Variants in ADCY5 observed in about 807,000 individuals in gnomAD.
The protein encoded by ADCY5 is adenylate cyclase type 5.
In ADCY5, 30 loss-of-function variants were observed where a neutral mutation model predicts 119.7. The observed-to-expected ratio is 0.25, with a 90% confidence interval of 0.19 to 0.34. The LOEUF (loss-of-function observed/expected upper bound fraction) is 0.34, where lower values mean the gene tolerates loss of function less well. Among genes scored for constraint, ADCY5 ranks in the 10% least tolerant of loss-of-function variants. The probability of loss-of-function intolerance (pLI) is 1.00; values close to 1 mark genes in which losing one functional copy is unlikely to be tolerated. For missense variants in ADCY5, 1,324 were observed against 1,775.2 expected, an observed-to-expected ratio of 0.75 and a Z score of 4.57; for synonymous variants, 753 against 762.2, an observed-to-expected ratio of 0.99 and a Z score of 0.20.
chr3:123,392,274 T>C (rs1431517815), intron 1 of ADCY5, among the ~76,000 whole-genome samples: 2 of 152,310 alleles, frequency 1.3e-5, no homozygotes, highest in East Asian at 3.9e-4. Context: ...CTTTCCAGAT[T>C]GTTCAAGTGG....
intron 3 of ADCY5, among the ~76,000 whole-genome samples, chr3:123,341,582 G>C (rs1942283922): frequency 6.6e-6 from 1 of 152,078 alleles, no homozygotes; most frequent in African/African-American, 2.4e-5. Flanking sequence ...ACAACAATTT[G>C]AATGTACTTA....
chr3:123,296,446 C>T (rs1939518037), intron 16 of ADCY5, among the ~76,000 whole-genome samples: 1 of 152,242 alleles, frequency 6.6e-6, no homozygotes, highest in African/African-American at 2.4e-5. Flanking sequence ...GCAGCCATTA[C>T]TCCTCTCCTG....
At chr3:123,297,250 C>T in intron 16 of ADCY5, 103 bp downstream of exon 16, 1 of 1,500,082 alleles carries the variant, frequency 6.7e-7, no homozygotes, top group South Asian at 1.1e-5. Context: ...CCTTCACTAC[C>T]CACCTTGCCA....
chr3:123,323,731 C>T (rs1941340515), intron 8 of ADCY5, among the ~76,000 whole-genome samples: 1 of 152,156 alleles, frequency 6.6e-6, no homozygotes, highest in Non-Finnish European at 1.5e-5. Context: ...GTGATCATGG[C>T]TCACTGCAAC....
At chr3:123,373,766 C>CG (rs1175788722) in intron 1 of ADCY5, among the ~76,000 whole-genome samples, 14 of 33,584 alleles carry the variant, frequency 4.2e-4, no homozygotes, top group Non-Finnish European at 8.7e-4. Context: ...ACGCCCCCCC[C>CG]CCCCCGACCC....
At chr3:123,445,580 C>G (rs1945799860) in intron 1 of ADCY5, among the ~76,000 whole-genome samples, 1 of 152,200 alleles carries the variant, frequency 6.6e-6, no homozygotes, top group African/African-American at 2.4e-5. Context: ...GTCCTCGGGT[C>G]AAAAGAGTTG....
intron 1 of ADCY5, among the ~76,000 whole-genome samples, chr3:123,411,394 CACTG>C (rs754148280): frequency 3.3e-5 from 5 of 152,200 alleles, no homozygotes; most frequent in Non-Finnish European, 5.9e-5. Flanking sequence ...CCTCACCGAT[CACTG>C]ACTAAGGAGT....
At chr3:123,424,111 G>C (rs1466274260) in intron 1 of ADCY5, among the ~76,000 whole-genome samples, 1 of 152,272 alleles carries the variant, frequency 6.6e-6, no homozygotes, top group Non-Finnish European at 1.5e-5. Context: ...GCCAGCATGA[G>C]GATTATCCCA....
rs1023896411 is a variant in ADCY5 at position 123,325,578 on chromosome 3, T to G, written c.1948-116A>C. ...GGGCTAAGGCAGCTGCCCTTTCCTC[T>G]CTGCACAGCCCTGGAGCCAGAGCTC... On this transcript the variant is annotated intron_variant, in intron 7 of 20. Transcript: ENST00000462833. The G allele has an allele frequency of 1.2e-4, 168 of 1,344,542 alleles. 1 individual carries two copies. In the Admixed American group the frequency reaches 3.0e-3, roughly 24 times the overall value. 83.3% of individuals were successfully genotyped at this position (1,344,542 alleles called of 1,614,324 possible).
At chr3:123,431,772 C>T (rs150018600) in intron 1 of ADCY5, among the ~76,000 whole-genome samples, 8 of 152,312 alleles carry the variant, frequency 5.3e-5, no homozygotes, top group Non-Finnish European at 8.8e-5. Flanking sequence ...CTCTTACACG[C>T]CTGCAATCAT....
rs111837143 is a variant in ADCY5 at position 123,346,649 on chromosome 3, A to G, written c.1406+1133T>C. 2.0e-3 allele frequency among the ~76,000 whole-genome samples: 186 copies of G among 94,928 alleles called. 2 individuals are homozygous for G. The highest frequency in any genetic ancestry group is 4.3e-3 in the African/African-American group (143 of 33,096). 62.3% of individuals were successfully genotyped at this position (94,928 alleles called of 152,430 possible). On this transcript the variant is annotated intron_variant, in intron 3 of 20. Coordinates refer to ENST00000462833, the MANE Select transcript of ADCY5 (RefSeq NM_183357.3). The stretch of plus-strand genomic sequence containing the variant: ...TCTCTCTCTCTCTCTCTCTGTGTGT[A>G]TGTGTGTGTGTGTGTGAGAGAGAGA...
chr3:123,310,400 G>C (rs1011306197), intron 12 of ADCY5, among the ~76,000 whole-genome samples: 2 of 152,158 alleles, frequency 1.3e-5, no homozygotes, highest in African/African-American at 4.8e-5. Context: ...GCTGGCCAAA[G>C]AGGGAAGGGG....
intron 1 of ADCY5, among the ~76,000 whole-genome samples, chr3:123,435,315 T>C (rs1945588316): frequency 6.6e-6 from 1 of 152,152 alleles, no homozygotes; most frequent in African/African-American, 2.4e-5. Flanking sequence ...AAGGCAGCAC[T>C]GACTTGAACT....
chr3:123,317,027 ATATG>A (rs1443983787), intron 11 of ADCY5, among the ~76,000 whole-genome samples: 1 of 90,698 alleles, frequency 1.1e-5, no homozygotes, highest in Non-Finnish European at 3.2e-5. Flanking sequence ...ACATATACGT[ATATG>A]TATGTGTGTG....
chr3:123,375,632 C>T (rs1401413498), intron 1 of ADCY5, among the ~76,000 whole-genome samples: 1 of 152,226 alleles, frequency 6.6e-6, no homozygotes, highest in Non-Finnish European at 1.5e-5. Flanking sequence ...CAAGAATGCT[C>T]GAGGGGTCAG....
chr3:123,366,176 C>G (rs1000151917), intron 1 of ADCY5, among the ~76,000 whole-genome samples: 1 of 152,188 alleles, frequency 6.6e-6, no homozygotes, highest in Non-Finnish European at 1.5e-5. Flanking sequence ...TTTTGGCCCA[C>G]TGGAATAGCT....
chr3:123,301,639 C>T (rs1163828253), intron 14 of ADCY5, among the ~76,000 whole-genome samples: 1 of 152,196 alleles, frequency 6.6e-6, no homozygotes, highest in Non-Finnish European at 1.5e-5. Context: ...TGGCACCAAG[C>T]CTCTCCCACA....
intron 13 of ADCY5, 28 bp from the exon 14 acceptor site, chr3:123,303,247 G>T (rs759906918): frequency 2.5e-6 from 4 of 1,606,132 alleles, no homozygotes; most frequent in Non-Finnish European, 3.4e-6. Flanking sequence ...GGTGATGAGG[G>T]GAGGGTAAGC....
Position 123,330,208 on chromosome 3 carries a change from C to G in ADCY5, c.1646+681G>C, listed in dbSNP as rs536616224. Among the ~76,000 whole-genome samples the G allele has an allele frequency of 4.6e-5, 7 of 152,328 alleles. No homozygotes were observed. In the South Asian group the frequency reaches 1.4e-3, roughly 32 times the overall value. On this transcript the variant is annotated intron_variant, in intron 5 of 20. Transcript: ENST00000462833. ...CCGGCTGCCTTCCTGGCAGCCACTC[C>G]CGCCTCTGACCTTGCCCTCTGTGCC...
Sources: allele counts gnomAD v4.1 joint callset (sites outside exome capture counted in the v4.1 genomes callset), GRCh38; gene constraint gnomAD v4.1.1; transcripts MANE v1.5; gene names NCBI Gene and HGNC (gene_info 2026-07-23, HGNC 2026-07-21).